ABCB11: variants seen among roughly 807,000 people sequenced by gnomAD.
ABCB11 encodes the protein bile salt export pump.
Under a neutral mutation model 148.0 loss-of-function variants are expected in ABCB11, and 95 were observed. The ratio of observed to expected loss-of-function variants is 0.64; its 90% CI spans 0.54 to 0.76. The LOEUF is 0.76. Ranked by LOEUF, ABCB11 falls within the 30% of genes least tolerant of loss-of-function variation. ABCB11 has a pLI of 0.00. For missense variants in ABCB11, 1,523 were observed against 1,617.8 expected, an observed-to-expected ratio of 0.94 and a Z score of 1.01; for synonymous variants, 591 against 555.4, an observed-to-expected ratio of 1.06 and a Z score of -0.90.
At chr2:168,993,680 C>G (rs377018299) in intron 8 of ABCB11, 31 bp downstream of exon 8, 1 of 1,594,358 alleles carries the variant, frequency 6.3e-7, no homozygotes, top group Non-Finnish European at 8.6e-7. Context: ...CAAATGTCTT[C>G]CCATGGAGAG....
chr2:168,935,121 C>A, intron 23 of ABCB11, 63 bp downstream of exon 23: 1 of 1,590,280 alleles, frequency 6.3e-7, no homozygotes, highest in Non-Finnish European at 8.6e-7. Flanking sequence ...AGCTAACTGA[C>A]AGAACCAGGC....
At chr2:168,974,011 T>G (rs954885695) in intron 12 of ABCB11, among the ~76,000 whole-genome samples, 171 bp from the exon 13 acceptor site, 2 of 151,876 alleles carry the variant, frequency 1.3e-5, no homozygotes, top group Non-Finnish European at 2.9e-5. Context: ...AAAGGAAACA[T>G]TGGCAAGGAT....
At chr2:168,993,678 T>G (rs749470491) in intron 8 of ABCB11, 33 bp downstream of exon 8, 2 of 1,589,524 alleles carry the variant, frequency 1.3e-6, no homozygotes, top group Non-Finnish European at 1.7e-6. Context: ...GGCAAATGTC[T>G]TCCCATGGAG....
At chr2:168,947,416 C>A (rs1449679178) in intron 19 of ABCB11, among the ~76,000 whole-genome samples, 6 of 151,362 alleles carry the variant, frequency 4.0e-5, no homozygotes, top group Admixed American at 4.0e-4. Context: ...TTTTCCAAGT[C>A]AAATGGACAC....
intron 10 of ABCB11, among the ~76,000 whole-genome samples, chr2:168,984,471 C>T (rs571081850): frequency 5.6e-4 from 85 of 152,284 alleles, no homozygotes; most frequent in Middle Eastern, 3.4e-3. Flanking sequence ...AAATTAAAGG[C>T]ATTAGCTACT....
chr2:169,020,965 CT>C (rs200889320), intron 1 of ABCB11, among the ~76,000 whole-genome samples: 69 of 145,710 alleles, frequency 4.7e-4, no homozygotes, highest in Middle Eastern at 3.5e-3. Context: ...AAGACATACA[CT>C]TTTTTTTTTT....
intron 19 of ABCB11, among the ~76,000 whole-genome samples, chr2:168,953,195 G>T (rs1343136436): frequency 2.6e-5 from 4 of 151,634 alleles, no homozygotes; most frequent in Admixed American, 6.6e-5. Flanking sequence ...TTGTTGGGTA[G>T]AATGTTCTGT....
intron 5 of ABCB11, among the ~76,000 whole-genome samples, chr2:169,009,725 T>C (rs1695125664): frequency 6.6e-6 from 1 of 151,518 alleles, no homozygotes; most frequent in Admixed American, 6.6e-5. Flanking sequence ...ACTTAAAGTA[T>C]AATTAAAAAA....
At chr2:168,980,000 T>C in intron 10 of ABCB11, 21 bp from the exon 11 acceptor site, 1 of 1,450,810 alleles carries the variant, frequency 6.9e-7, no homozygotes, top group African/African-American at 1.4e-5. Flanking sequence ...AAGAGAGAGA[T>C]TTTTCATGTG....
chr2:169,012,974 A>C (rs1024060908), intron 5 of ABCB11, among the ~76,000 whole-genome samples: 4 of 152,076 alleles, frequency 2.6e-5, no homozygotes, highest in African/African-American at 9.7e-5. Context: ...TCACCTCCCT[A>C]GTGACGTTAA....
chr2:168,980,442 G>A (rs77753779), intron 10 of ABCB11, among the ~76,000 whole-genome samples: 2,251 of 152,180 alleles, frequency 0.015, 53 homozygotes, highest in African/African-American at 0.051. Flanking sequence ...TGTTGTTACC[G>A]CTATACTAAT....
intron 25 of ABCB11, 71 bp from the exon 26 acceptor site, chr2:168,927,433 C>T (rs1048578201): frequency 4.6e-6 from 6 of 1,299,892 alleles, no homozygotes; most frequent in Non-Finnish European, 6.5e-6. Flanking sequence ...CATATTCTAG[C>T]ATTAGGTGTT....
At chr2:169,013,603 G>A (rs545587092) in intron 4 of ABCB11, 93 bp from the exon 5 acceptor site, 248 of 969,338 alleles carry the variant, frequency 2.6e-4, no homozygotes, top group Non-Finnish European at 3.4e-4. Context: ...CTCATGAATA[G>A]TACTCAACAC....
chr2:169,010,752 CA>C (rs988970214), intron 5 of ABCB11, among the ~76,000 whole-genome samples: 69 of 152,256 alleles, frequency 4.5e-4, no homozygotes, highest in Middle Eastern at 3.4e-3. Flanking sequence ...GCTAAACAAA[CA>C]TGTTATTCAG....
downstream of ABCB11, among the ~76,000 whole-genome samples, chr2:168,919,346 C>T (rs1329071121): frequency 1.3e-5 from 2 of 152,144 alleles, no homozygotes; most frequent in Admixed American, 1.3e-4. Flanking sequence ...TTCTATTACG[C>T]ATTGCTAACT....
At chr2:168,916,052 C>T (rs1293516258), downstream of ABCB11, among the ~76,000 whole-genome samples, 1 of 152,188 alleles carries the variant, frequency 6.6e-6, no homozygotes, top group Non-Finnish European at 1.5e-5. Flanking sequence ...TGAACATTAT[C>T]AGGAAGTATA....
At position 169,018,074 on chromosome 2, in the gene ABCB11, C is replaced by G. The variant is rs747471233; in HGVS notation, c.52G>C (p.Asp18His). Residue 18 changes from aspartate to histidine, a missense_variant, in exon 2 of 28, where the codon GAT becomes CAT. Coordinates refer to ENST00000650372, the MANE Select transcript of ABCB11 (RefSeq NM_003742.4). ...RSIKKFGEEN[D>H]GFESDKSYNN... ...CATGATTTATCTGACTCAAAACCAT[C>G]ATTCTCCTCTCCAAATTTCTTTATA... 6.2e-7 allele frequency: 1 copy of G among 1,613,644 alleles called. No homozygotes were observed. Among genetic ancestry groups the G allele is most frequent in the South Asian group, 1.1e-5 (1 of 91,074 alleles).
At chr2:168,920,773 C>T (rs563422645), downstream of ABCB11, among the ~76,000 whole-genome samples, 1 of 152,188 alleles carries the variant, frequency 6.6e-6, no homozygotes, top group East Asian at 1.9e-4. Flanking sequence ...CATCATCGCC[C>T]CCTGGTGTTG....
At chr2:168,995,916 T>C (rs1694697290) in intron 6 of ABCB11, among the ~76,000 whole-genome samples, 1 of 127,430 alleles carries the variant, frequency 7.8e-6, no homozygotes, top group African/African-American at 3.0e-5. Context: ...TTTCAAGAAA[T>C]GTAAAACAAA....
Sources: allele counts gnomAD v4.1 joint callset (sites outside exome capture counted in the v4.1 genomes callset), GRCh38; gene constraint gnomAD v4.1.1; transcripts MANE v1.5; gene names NCBI Gene and HGNC (gene_info 2026-07-23, HGNC 2026-07-21).